CYP7B1: variants seen among roughly 807,000 people sequenced by gnomAD.
CYP7B1 encodes the protein cytochrome P450 family 7 subfamily B member 1, also known as cytochrome P450 7B1.
Under a neutral mutation model 42.7 loss-of-function variants are expected in CYP7B1, and 29 were observed. The ratio of observed to expected loss-of-function variants is 0.68; its 90% CI spans 0.51 to 0.93. The LOEUF is 0.93. Among genes scored for constraint, CYP7B1 ranks in the 40% least tolerant of loss-of-function variants. The pLI is 0.00. For missense variants in CYP7B1, 655 were observed against 600.5 expected, an observed-to-expected ratio of 1.09 and a Z score of -0.95; for synonymous variants, 235 against 218.2, an observed-to-expected ratio of 1.08 and a Z score of -0.68.
rs1000492764 is a variant in CYP7B1, at chr8:64,798,479, C to G, written c.109G>C (p.Val37Leu). 1.3e-6 allele frequency: 2 copies of G among 1,513,038 alleles called. No individual in the cohort carries two copies. The highest frequency in any genetic ancestry group is 2.4e-5 in the South Asian group (2 of 81,732). The allele number at this position is 1,513,038 out of a possible 1,614,324, so 93.7% of individuals were successfully genotyped here. Residue 37 changes from valine to leucine, a missense_variant, in exon 1 of 6, where the codon GTC becomes CTC. Val to Leu is a conservative substitution (Grantham distance 32, BLOSUM62 1). Transcript: ENST00000310193. ...ALLLLALCLL[V>L]RRTRRPGEPP... is the part of the protein sequence containing the mutation. ...CGAGGCGCTTACCTGGTGCGCCGGA[C>G]AAGCAAGCAGAGGGCCAGGAGCAGC... is the stretch of plus-strand genomic sequence containing the variant.
chr8:64,694,359 G>A (rs7002672), intron 1 of CYP7B1, among the ~76,000 whole-genome samples: 117,891 of 152,132 alleles, frequency 0.77, 45,982 homozygotes, highest in Middle Eastern at 0.84. Flanking sequence ...GGCTTTTTCT[G>A]TTTACCTCCA....
chr8:64,740,436 G>T (rs1036209474), intron 1 of CYP7B1, among the ~76,000 whole-genome samples: 3 of 151,324 alleles, frequency 2.0e-5, no homozygotes, highest in African/African-American at 7.3e-5. Context: ...TTCAACTCAA[G>T]AAATTATAGA....
chr8:64,672,334 T>C (rs772163770), intron 1 of CYP7B1, among the ~76,000 whole-genome samples: 29 of 152,220 alleles, frequency 1.9e-4, no homozygotes, highest in Non-Finnish European at 3.2e-4. Context: ...TGCAATTGCT[T>C]TTATCTGACT....
intron 1 of CYP7B1, among the ~76,000 whole-genome samples, chr8:64,685,707 G>C (rs376248545): frequency 2.0e-5 from 1 of 50,272 alleles, no homozygotes; most frequent in Admixed American, 1.8e-4. Context: ...CTCTCCGCCC[G>C]GCAGCCACCC....
chr8:64,774,292 T>C (rs1329267498), intron 1 of CYP7B1, among the ~76,000 whole-genome samples: 3 of 152,208 alleles, frequency 2.0e-5, no homozygotes, highest in Non-Finnish European at 4.4e-5. Context: ...TTCATCTCTA[T>C]GTAACCAGTA....
intron 1 of CYP7B1, among the ~76,000 whole-genome samples, chr8:64,698,826 A>G (rs1398476703): frequency 6.6e-6 from 1 of 152,122 alleles, no homozygotes; most frequent in Admixed American, 6.6e-5. Flanking sequence ...AAAATATATA[A>G]TGGTGTGTTA....
intron 1 of CYP7B1, among the ~76,000 whole-genome samples, chr8:64,747,118 A>G (rs1416968753): frequency 6.7e-6 from 1 of 149,334 alleles, no homozygotes; most frequent in African/African-American, 2.4e-5. Flanking sequence ...ATTTATTGTT[A>G]TTTATAGATC....
At chr8:64,667,146 A>T (rs1032492289) in intron 1 of CYP7B1, among the ~76,000 whole-genome samples, 4 of 152,202 alleles carry the variant, frequency 2.6e-5, no homozygotes, top group African/African-American at 7.2e-5. Context: ...AGAAAAAAGA[A>T]CCCAATGGGG....
chr8:64,595,524 T>A lies in CYP7B1; in HGVS notation c.*1118A>T, dbSNP rs1805104070. Among the ~76,000 whole-genome samples, 1 of 152,324 alleles carries A rather than the reference T, an allele frequency of 6.6e-6. No individual in the cohort carries two copies. Among genetic ancestry groups the A allele is most frequent in the African/African-American group, 2.4e-5 (1 of 41,576 alleles). ...TTGAATCACTGGGCTTGGTGGTACATGCCTGTAGTCCAGGTTCCCAAGGGA... is the reference window on the plus strand; with the variant it reads ...TTGAATCACTGGGCTTGGTGGTACAAGCCTGTAGTCCAGGTTCCCAAGGGA... On this transcript the variant is annotated 3_prime_UTR_variant, in exon 6 of 6. Transcript: ENST00000310193.
At chr8:64,793,456 G>A (rs1228269430) in intron 1 of CYP7B1, among the ~76,000 whole-genome samples, 1 of 152,004 alleles carries the variant, frequency 6.6e-6, no homozygotes, top group Non-Finnish European at 1.5e-5. Context: ...CTTTTGCAAT[G>A]TAGATTATTT....
At chr8:64,631,295 A>T (rs1465723100) in intron 1 of CYP7B1, among the ~76,000 whole-genome samples, 27 of 152,218 alleles carry the variant, frequency 1.8e-4, no homozygotes, top group Non-Finnish European at 4.0e-4. Context: ...TCAAAAATGA[A>T]TTAATGTAAT....
chr8:64,677,833 T>A (rs1806474866), intron 1 of CYP7B1, among the ~76,000 whole-genome samples: 1 of 148,548 alleles, frequency 6.7e-6, no homozygotes, highest in Non-Finnish European at 1.5e-5. Context: ...TTCTGGCACA[T>A]AATAAGTGTT....
intron 1 of CYP7B1, among the ~76,000 whole-genome samples, chr8:64,691,266 C>T (rs866426689): frequency 2.0e-5 from 3 of 152,092 alleles, no homozygotes; most frequent in Admixed American, 6.5e-5. Context: ...AGTTTAGGGA[C>T]GTTAAGCAGG....
rs1025449202 is a variant in CYP7B1 at position 64,595,121 on chromosome 8, T to C, written c.*1521A>G. Among the ~76,000 whole-genome samples, 1 of 152,134 alleles carries C rather than the reference T, an allele frequency of 6.6e-6. No individual in the cohort carries two copies. The highest frequency in any genetic ancestry group is 2.4e-5 in the African/African-American group (1 of 41,422). ...ATATCTTCAAAGTGCTGTGAGGAAA[T>C]AACTGTCAATCTAGATTTGTGCATC... On this transcript the variant is annotated 3_prime_UTR_variant, in exon 6 of 6. Coordinates refer to ENST00000310193, the MANE Select transcript of CYP7B1 (RefSeq NM_004820.5).
chr8:64,622,563 A>G (rs564320230), intron 2 of CYP7B1, among the ~76,000 whole-genome samples: 1 of 152,334 alleles, frequency 6.6e-6, no homozygotes, highest in South Asian at 2.1e-4. Flanking sequence ...GCTCTGGGAG[A>G]TATGCAACTA....
chr8:64,616,150 T>C lies in CYP7B1; in HGVS notation c.391A>G (p.Asn131Asp). The change falls in exon 3 of 6, where the codon AAT (asparagine) becomes GAT (aspartate). Residue 131 changes from asparagine (N) to aspartate (D), a missense_variant. Physicochemically the swap from Asn to Asp is conservative, Grantham distance 23. Coordinates refer to ENST00000310193, the MANE Select transcript of CYP7B1 (RefSeq NM_004820.5). ...TGAAGCTCATCATTCATGTCATGATTTTTTTGCAACTGACTGATGCTAAAT... is the reference window on the plus strand; with the variant it reads ...TGAAGCTCATCATTCATGTCATGATCTTTTTGCAACTGACTGATGCTAAAT... ...KAFSISQLQK[N>D]HDMNDELHLC... 6.2e-7 allele frequency: 1 copy of C among 1,613,632 alleles called. No homozygotes were observed. Among genetic ancestry groups the C allele is most frequent in the Non-Finnish European group, 8.5e-7 (1 of 1,179,760 alleles).
At chr8:64,644,400 TC>T (rs1805915648) in intron 1 of CYP7B1, among the ~76,000 whole-genome samples, 1 of 152,196 alleles carries the variant, frequency 6.6e-6, no homozygotes, top group Admixed American at 6.5e-5. Flanking sequence ...CCAGAAGGTT[TC>T]CAATTAACTT....
intron 1 of CYP7B1, among the ~76,000 whole-genome samples, chr8:64,638,823 GTA>G (rs1364142420): frequency 2.6e-5 from 4 of 151,914 alleles, no homozygotes; most frequent in African/African-American, 4.8e-5. Context: ...CTACTTTTGT[GTA>G]TGTGTGTGTG....
chr8:64,787,212 C>A (rs561950267), intron 1 of CYP7B1, among the ~76,000 whole-genome samples: 2 of 151,512 alleles, frequency 1.3e-5, no homozygotes, highest in South Asian at 4.2e-4. Context: ...ATGCAAATTT[C>A]TGTGGCAGGC....
Sources: gnomAD v4.1 joint callset for allele counts (sites outside exome capture counted in the v4.1 genomes callset) on GRCh38, gnomAD v4.1.1 for gene constraint, MANE v1.5 for transcripts, NCBI Gene and HGNC (gene_info 2026-07-23, HGNC 2026-07-21) for gene names.